AGBL4: variants seen among roughly 807,000 people sequenced by gnomAD.
AGBL4 encodes the protein cytosolic carboxypeptidase 6.
AGBL4 carries 58 observed loss-of-function variants against 66.4 expected under a neutral mutation model. The observed-to-expected ratio is 0.87, with a 90% CI of 0.71 to 1.09. The LOEUF is 1.09. Among genes scored for constraint, AGBL4 ranks in the 50% least tolerant of loss-of-function variants. The pLI is 0.00. For missense variants in AGBL4, 579 were observed against 631.0 expected (o/e 0.92, Z 0.88); for synonymous variants, 234 against 222.9 (o/e 1.05, Z -0.44).
At chr1:49,062,430 T>C (rs190227767) in intron 4 of AGBL4, among the ~76,000 whole-genome samples, 5 of 152,306 alleles carry the variant, frequency 3.3e-5, no homozygotes, top group African/African-American at 1.2e-4. Context: ...AGTAGGTCCA[T>C]GTTTCTATTT....
At chr1:49,312,952 G>A (rs530333770) in intron 3 of AGBL4, among the ~76,000 whole-genome samples, 1 of 152,070 alleles carries the variant, frequency 6.6e-6, no homozygotes, top group Admixed American at 6.6e-5. Flanking sequence ...GTATACACAT[G>A]CCAAGGTGGT....
chr1:49,620,168 A>C (rs1645330858), intron 3 of AGBL4, among the ~76,000 whole-genome samples: 1 of 152,212 alleles, frequency 6.6e-6, no homozygotes, highest in African/African-American at 2.4e-5. Context: ...AGAAACTATT[A>C]CTAGAGTGAA....
chr1:49,567,094 C>T (rs1644225942), intron 3 of AGBL4, among the ~76,000 whole-genome samples: 1 of 152,232 alleles, frequency 6.6e-6, no homozygotes. Context: ...ATAGGACCCT[C>T]CAAGCCAGAT....
At chr1:49,612,538 CA>C (rs1216411596) in intron 3 of AGBL4, among the ~76,000 whole-genome samples, 1 of 151,932 alleles carries the variant, frequency 6.6e-6, no homozygotes, top group Admixed American at 6.6e-5. Context: ...AACAAGCAAA[CA>C]CTAATAATCC....
chr1:48,938,824 G>A (rs147943279), intron 5 of AGBL4, among the ~76,000 whole-genome samples: 6 of 152,166 alleles, frequency 3.9e-5, no homozygotes, highest in African/African-American at 1.4e-4. Flanking sequence ...CTCTCCTTTT[G>A]TTTTCCCCCA....
rs1186721279 is a variant in AGBL4, at chr1:48,711,669, C to CAA, written c.635-48430_635-48429dup. Reference sequence around the variant, plus strand: ...ACCCTCTCCCCAGCCCACCGAGCTCCAAAGCAAGCTGTGCCCTTGCCCCTC... The same window carrying CAA: ...ACCCTCTCCCCAGCCCACCGAGCTCCAAAAAGCAAGCTGTGCCCTTGCCCCTC... On this transcript the variant is annotated intron_variant, in intron 6 of 13. Transcript: ENST00000371839. Among the ~76,000 whole-genome samples, 4 of 151,874 alleles carry CAA rather than the reference C, an allele frequency of 2.6e-5. No individual in the cohort carries two copies. In the East Asian group the frequency reaches 7.8e-4, roughly 30 times the overall value.
chr1:48,535,697 G>A (rs1539525), intron 12 of AGBL4, among the ~76,000 whole-genome samples: 80,389 of 151,872 alleles, frequency 0.53, 21,946 homozygotes, highest in South Asian at 0.61. Flanking sequence ...TATTTCATCA[G>A]TCAAAATTCC....
intron 6 of AGBL4, among the ~76,000 whole-genome samples, chr1:48,767,935 C>T (rs1327001237): frequency 6.6e-6 from 1 of 152,150 alleles, no homozygotes; most frequent in Non-Finnish European, 1.5e-5. Flanking sequence ...TACTATGTGC[C>T]AGGCTCTGGG....
intron 6 of AGBL4, among the ~76,000 whole-genome samples, chr1:48,742,247 A>G (rs1019143870): frequency 2.1e-4 from 32 of 152,190 alleles, no homozygotes; most frequent in African/African-American, 7.2e-4. Flanking sequence ...AAGATACTTC[A>G]TTTCCAGTTC....
intron 1 of AGBL4, among the ~76,000 whole-genome samples, chr1:50,003,647 C>G (rs1660923527): frequency 6.6e-6 from 1 of 151,970 alleles, no homozygotes; most frequent in African/African-American, 2.4e-5. Flanking sequence ...GAGACAATAG[C>G]CAAGTAATAA....
rs151178214 is a variant in AGBL4 at position 48,747,532 on chromosome 1, A to G, written c.635-84291T>C. 9.2e-3 allele frequency among the ~76,000 whole-genome samples: 1,398 copies of G among 152,330 alleles called. 23 individuals are homozygous for G. The highest frequency in any genetic ancestry group is 0.032 in the African/African-American group (1,315 of 41,566). ...GAAGTTCAGATTTAACATGTGAAAC[A>G]CTATTATATAGCATACAAATAACTC... On this transcript the variant is annotated intron_variant, in intron 6 of 13. Coordinates refer to ENST00000371839, the MANE Select transcript of AGBL4 (RefSeq NM_032785.4).
At chr1:49,437,541 C>T (rs565160564) in intron 3 of AGBL4, among the ~76,000 whole-genome samples, 23 of 152,180 alleles carry the variant, frequency 1.5e-4, no homozygotes, top group East Asian at 3.9e-4. Flanking sequence ...AAATACCTTA[C>T]GTTTTTACTT....
intron 2 of AGBL4, among the ~76,000 whole-genome samples, chr1:49,777,056 C>A (rs576618076): frequency 6.6e-6 from 1 of 152,000 alleles, no homozygotes; most frequent in African/African-American, 2.4e-5. Context: ...AAGGACCATA[C>A]GGTATGAAAA....
At chr1:49,842,228 C>T in intron 2 of AGBL4, 1 of 435,694 alleles carries the variant, frequency 2.3e-6, no homozygotes, top group Non-Finnish European at 4.5e-6. Context: ...GCAGCTGGAG[C>T]CTGCCCAGAG....
intron 3 of AGBL4, among the ~76,000 whole-genome samples, chr1:49,675,706 A>G (rs2124541649): frequency 6.6e-6 from 1 of 152,218 alleles, no homozygotes; most frequent in Non-Finnish European, 1.5e-5. Context: ...GGTTAACTGT[A>G]GTATTCTTAA....
chr1:48,745,186 A>C (rs983100551), intron 6 of AGBL4, among the ~76,000 whole-genome samples: 11 of 152,178 alleles, frequency 7.2e-5, no homozygotes, highest in Non-Finnish European at 1.3e-4. Context: ...GAGGGGAGGA[A>C]GAGAGGGACT....
chr1:48,666,903 A>G (rs967172302), intron 6 of AGBL4, among the ~76,000 whole-genome samples: 24 of 152,200 alleles, frequency 1.6e-4, no homozygotes, highest in Admixed American at 6.5e-4. Context: ...AAGCAACCCA[A>G]TGAAATATCT....
intron 4 of AGBL4, among the ~76,000 whole-genome samples, chr1:49,048,047 C>T (rs1172828544): frequency 1.3e-5 from 2 of 151,936 alleles, no homozygotes; most frequent in African/African-American, 4.8e-5. Flanking sequence ...CCAGGGTTCC[C>T]GATTTGTATT....
At chr1:49,164,291 T>C (rs1016074647) in intron 4 of AGBL4, among the ~76,000 whole-genome samples, 1 of 152,040 alleles carries the variant, frequency 6.6e-6, no homozygotes, top group African/African-American at 2.4e-5. Context: ...ACCAGGTCAA[T>C]TGCCTTAGCT....
Sources: allele counts gnomAD v4.1 joint callset (sites outside exome capture counted in the v4.1 genomes callset), GRCh38; gene constraint gnomAD v4.1.1; transcripts MANE v1.5; gene names NCBI Gene and HGNC (gene_info 2026-07-23, HGNC 2026-07-21).